Variants in USP15 observed in about 807,000 individuals in gnomAD.
USP15 encodes ubiquitin specific peptidase 15.
In USP15, 18 loss-of-function variants were observed where a neutral mutation model predicts 127.1. That is an observed-to-expected ratio of 0.14 (90% CI 0.10 to 0.21). The LOEUF (loss-of-function observed/expected upper bound fraction) is 0.21, where lower values mean the gene tolerates loss of function less well. Ranked by LOEUF, USP15 falls within the 10% of genes least tolerant of loss-of-function variation. The pLI is 1.00. For synonymous variants in USP15, 364 were observed against 393.7 expected, an observed-to-expected ratio of 0.92 and a Z score of 0.89; for missense variants, 805 against 1,159.9, an observed-to-expected ratio of 0.69 and a Z score of 4.44.
chr12:62,378,583 C>G (rs907465932), intron 8 of USP15, among the ~76,000 whole-genome samples: 1 of 151,966 alleles, frequency 6.6e-6, no homozygotes, highest in Admixed American at 6.6e-5. Context: ...CAGTTTGAAA[C>G]CAGCATGTAT....
chr12:62,327,936 G>T (rs75792185), intron 6 of USP15, among the ~76,000 whole-genome samples: 3,345 of 150,536 alleles, frequency 0.022, 125 homozygotes, highest in African/African-American at 0.075. Context: ...GTCATAAATT[G>T]CCAAATAATA....
intron 8 of USP15, among the ~76,000 whole-genome samples, chr12:62,364,908 A>G (rs1002169869): frequency 6.6e-6 from 1 of 152,222 alleles, no homozygotes; most frequent in Admixed American, 6.5e-5. Flanking sequence ...TTATGGCTGC[A>G]TAATATACCA....
chr12:62,345,977 C>G (rs1453881443), intron 6 of USP15, among the ~76,000 whole-genome samples: 1 of 152,142 alleles, frequency 6.6e-6, no homozygotes, highest in African/African-American at 2.4e-5. Flanking sequence ...ATGAAAGCTA[C>G]AAGATGAGAT....
At chr12:62,369,553 G>T (rs1215242388) in intron 8 of USP15, among the ~76,000 whole-genome samples, 1 of 151,782 alleles carries the variant, frequency 6.6e-6, no homozygotes, top group Non-Finnish European at 1.5e-5. Context: ...TCTAAAAAGA[G>T]GAGTACCTAA....
At chr12:62,363,791 G>A (rs2066390102) in intron 8 of USP15, among the ~76,000 whole-genome samples, 1 of 152,070 alleles carries the variant, frequency 6.6e-6, no homozygotes, top group African/African-American at 2.4e-5. Flanking sequence ...TGTCTGGCAT[G>A]TAGAAGGCAC....
At chr12:62,382,669 T>G (rs1199495677) in intron 9 of USP15, among the ~76,000 whole-genome samples, 2 of 151,962 alleles carry the variant, frequency 1.3e-5, no homozygotes, top group Non-Finnish European at 2.9e-5. Flanking sequence ...ATTACATTTA[T>G]TTTCAGTCTC....
chr12:62,265,381 C>T (rs2063167969), intron 1 of USP15, among the ~76,000 whole-genome samples: 1 of 152,178 alleles, frequency 6.6e-6, no homozygotes, highest in Non-Finnish European at 1.5e-5. Flanking sequence ...TACTCATCAC[C>T]ATATTACCAC....
intron 20 of USP15, among the ~76,000 whole-genome samples, chr12:62,399,335 A>G (rs1242877029): frequency 1.3e-5 from 2 of 152,056 alleles, no homozygotes; most frequent in East Asian, 1.9e-4. Flanking sequence ...TCCCATGGCT[A>G]TTTCCTTCCA....
rs149842446 is a variant in USP15 at position 62,309,207 on chromosome 12, G to A, written c.349-5583G>A. ...GCAGGATTGTTTAAGAATAAAAAGA[G>A]AGTAGGCACAAATAACCTATATTGC... is the stretch of plus-strand genomic sequence containing the variant. On this transcript the variant is annotated intron_variant, in intron 3 of 21. Transcript: ENST00000280377. Among the ~76,000 whole-genome samples, 290 of 152,150 alleles carry A rather than the reference G, an allele frequency of 1.9e-3. 3 individuals are homozygous for A. Among genetic ancestry groups the A allele is most frequent in the African/African-American group, 6.7e-3 (278 of 41,560 alleles).
rs2067948757 is a variant in USP15, at chr12:62,408,519, AAGTTTTTGCTC to A, written c.*4146_*4156del. On this transcript the variant is annotated 3_prime_UTR_variant, in exon 22 of 22. Transcript: ENST00000280377. ...TTCTAGGGCCATAGAATAAGAGTAG[AAGTTTTTGCTC>A]ATTTTTTTTGTTTGTTTTTACTTTA... 1 of 152,142 alleles carries A rather than the reference AAGTTTTTGCTC, an allele frequency of 6.6e-6. No homozygotes were observed. The highest frequency in any genetic ancestry group is 2.4e-5 in the African/African-American group (1 of 41,436). The allele number at this position is 152,142 out of a possible 1,614,324, so 9.4% of individuals were successfully genotyped here.
intron 4 of USP15, among the ~76,000 whole-genome samples, 187 bp from the exon 5 acceptor site, chr12:62,321,277 C>G (rs1198577143): frequency 6.6e-6 from 1 of 152,004 alleles, no homozygotes; most frequent in Non-Finnish European, 1.5e-5. Flanking sequence ...AGTACAAATA[C>G]CATTTTTTCC....
intron 1 of USP15, among the ~76,000 whole-genome samples, chr12:62,266,702 C>T (rs7965326): frequency 0.33 from 50,031 of 151,632 alleles, 8,746 homozygotes; most frequent in African/African-American, 0.45. Context: ...ATGTGCATTA[C>T]GAGATTTGAT....
At position 62,406,655 on chromosome 12, in the gene USP15, T is replaced by G. The variant is rs896977123; in HGVS notation, c.*2280T>G. 1 of 152,180 alleles carries G rather than the reference T, an allele frequency of 6.6e-6. No individual in the cohort carries two copies. The highest frequency in any genetic ancestry group is 2.4e-5 in the African/African-American group (1 of 41,458). The allele number at this position is 152,180 out of a possible 1,614,324, so 9.4% of individuals were successfully genotyped here. ...AAATAGTGCAAAAGGATAATACATA[T>G]TCTAATTAAAAGTAGGCATTCAGAC... On this transcript the variant is annotated 3_prime_UTR_variant, in exon 22 of 22. Transcript: ENST00000280377.
chr12:62,284,321 T>C (rs886128976), intron 1 of USP15, among the ~76,000 whole-genome samples: 2 of 152,200 alleles, frequency 1.3e-5, no homozygotes, highest in African/African-American at 4.8e-5. Context: ...TTTTAGAAAA[T>C]AGGATTTTCT....
At position 62,412,368 on chromosome 12, in the gene USP15, C is replaced by A. The variant is rs1449852419; in HGVS notation, c.*7993C>A. The A allele has an allele frequency of 6.6e-6, 1 of 152,284 alleles. No individual in the cohort carries two copies. The highest frequency in any genetic ancestry group is 1.5e-5 in the Non-Finnish European group (1 of 68,136). 9.4% of individuals were successfully genotyped at this position (152,284 alleles called of 1,614,324 possible). ...GCCGTGGCAATTTTTTACAATAAGACAGTAGTGAAGTTTGCTTCATCAATT... is the reference window on the plus strand; with the variant it reads ...GCCGTGGCAATTTTTTACAATAAGAAAGTAGTGAAGTTTGCTTCATCAATT... On this transcript the variant is annotated 3_prime_UTR_variant, in exon 22 of 22. Transcript: ENST00000280377.
intron 6 of USP15, among the ~76,000 whole-genome samples, chr12:62,338,107 A>G (rs1165843339): frequency 6.6e-6 from 1 of 152,206 alleles, no homozygotes; most frequent in Non-Finnish European, 1.5e-5. Context: ...GTAGTGTAAA[A>G]GCATTCCTGT....
chr12:62,357,788 TA>T (rs2066178245), intron 8 of USP15, among the ~76,000 whole-genome samples: 1 of 152,140 alleles, frequency 6.6e-6, no homozygotes, highest in Non-Finnish European at 1.5e-5. Context: ...CCATGATTTT[TA>T]ATTGATTAAG....
chr12:62,354,248 G>T (rs922051217), intron 7 of USP15, among the ~76,000 whole-genome samples: 1 of 151,728 alleles, frequency 6.6e-6, no homozygotes, highest in Admixed American at 6.6e-5. Context: ...ATAATAAAGT[G>T]AAGTATTTAA....
intron 1 of USP15, chr12:62,274,445 A>G (rs1350355233): frequency 6.7e-6 from 1 of 149,926 alleles, no homozygotes; most frequent in Non-Finnish European, 1.5e-5. Flanking sequence ...TGCATTTACT[A>G]CCTCTCTGGT....
Sources: allele counts gnomAD v4.1 joint callset (sites outside exome capture counted in the v4.1 genomes callset), GRCh38; gene constraint gnomAD v4.1.1; transcripts MANE v1.5; gene names NCBI Gene and HGNC (gene_info 2026-07-23, HGNC 2026-07-21).